Variants in SCFD2 observed in about 807,000 individuals in gnomAD.
SCFD2 encodes the protein sec1 family domain containing 2.
In SCFD2, 54 loss-of-function variants were observed where a neutral mutation model predicts 58.9. That is an observed-to-expected ratio of 0.92 (90% confidence interval 0.74 to 1.15). The LOEUF (loss-of-function observed/expected upper bound fraction) is 1.15, where lower values mean the gene tolerates loss of function less well. Among genes scored for constraint, SCFD2 ranks in the 50% most tolerant of loss-of-function variants. The pLI is 0.00. For synonymous variants in SCFD2, 321 were observed against 335.9 expected, an observed-to-expected ratio of 0.96 and a Z score of 0.49; for missense variants, 805 against 836.6, an observed-to-expected ratio of 0.96 and a Z score of 0.47.
chr4:53,300,618 C>T (rs1336006376), intron 3 of SCFD2, among the ~76,000 whole-genome samples: 1 of 152,176 alleles, frequency 6.6e-6, no homozygotes, highest in Non-Finnish European at 1.5e-5. Flanking sequence ...ATCTACAGAA[C>T]TCTCCACTCC....
intron 5 of SCFD2, among the ~76,000 whole-genome samples, chr4:53,048,715 T>C (rs4103860): frequency 0.25 from 37,408 of 152,136 alleles, 4,880 homozygotes; most frequent in Non-Finnish European, 0.29. Flanking sequence ...TTTATTTCGA[T>C]GGCCCTCCAG....
At chr4:53,217,954 A>C (rs1728908618) in intron 4 of SCFD2, among the ~76,000 whole-genome samples, 1 of 152,176 alleles carries the variant, frequency 6.6e-6, no homozygotes, top group Admixed American at 6.5e-5. Context: ...TTTCTTTAAC[A>C]ATGTTGAATA....
intron 2 of SCFD2, among the ~76,000 whole-genome samples, chr4:53,345,072 T>C (rs1400204859): frequency 6.6e-6 from 1 of 152,086 alleles, no homozygotes; most frequent in Non-Finnish European, 1.5e-5. Context: ...CCAAAAGCAA[T>C]GGCAACAAAA....
chr4:53,103,768 T>A (rs202026019), intron 5 of SCFD2, among the ~76,000 whole-genome samples: 439 of 33,950 alleles, frequency 0.013, 1 homozygote, highest in African/African-American at 0.026. Context: ...AGTAAGGAAG[T>A]AAAAAAAAAA....
chr4:52,921,237 A>T (rs533458124), intron 5 of SCFD2, among the ~76,000 whole-genome samples: 3 of 152,300 alleles, frequency 2.0e-5, no homozygotes, highest in African/African-American at 2.4e-5. Context: ...AAAATACGAG[A>T]GACTGTTATG....
intron 5 of SCFD2, among the ~76,000 whole-genome samples, chr4:53,049,619 A>G (rs1323520437): frequency 6.6e-6 from 1 of 152,018 alleles, no homozygotes; most frequent in African/African-American, 2.4e-5. Flanking sequence ...TTTGTTCCCA[A>G]ATGACAGAAT....
chr4:52,981,664 T>G (rs1721377178), intron 5 of SCFD2, among the ~76,000 whole-genome samples: 1 of 152,084 alleles, frequency 6.6e-6, no homozygotes, highest in Non-Finnish European at 1.5e-5. Context: ...TCACACAGCT[T>G]TCAGGCAGGG....
intron 5 of SCFD2, among the ~76,000 whole-genome samples, chr4:53,054,850 C>T (rs1390302914): frequency 6.6e-6 from 1 of 152,016 alleles, no homozygotes; most frequent in African/African-American, 2.4e-5. Context: ...GACAAGATCT[C>T]CCTATGTTGC....
chr4:53,130,149 A>C (rs915581677), intron 5 of SCFD2, among the ~76,000 whole-genome samples: 1 of 152,244 alleles, frequency 6.6e-6, no homozygotes, highest in Non-Finnish European at 1.5e-5. Context: ...AAAATAAAAA[A>C]GTATGACTTC....
chr4:53,360,042 A>T (rs1376571696), intron 1 of SCFD2, among the ~76,000 whole-genome samples: 1 of 152,212 alleles, frequency 6.6e-6, no homozygotes, highest in Non-Finnish European at 1.5e-5. Context: ...CCTCCACTGG[A>T]CAACAGTATT....
rs149495543 is a variant in SCFD2, at chr4:52,881,295, C to T, written c.1962+4452G>A. Among the ~76,000 whole-genome samples the T allele has an allele frequency of 4.4e-3, 676 of 152,282 alleles. 1 individual carries two copies. The highest frequency in any genetic ancestry group is 7.2e-3 in the Non-Finnish European group (493 of 68,016). On this transcript the variant is annotated intron_variant, in intron 8 of 8. Transcript: ENST00000401642. ...TCATTTCCTTTGAACAGCTGATCCC[C>T]GAATGCTTTTTAAATCTCAGCTCCA... is the stretch of plus-strand genomic sequence containing the variant.
At chr4:53,299,863 C>T (rs951435710) in intron 3 of SCFD2, among the ~76,000 whole-genome samples, 7 of 151,996 alleles carry the variant, frequency 4.6e-5, no homozygotes, top group East Asian at 1.9e-4. Flanking sequence ...CATAAGTGAA[C>T]GAGAAATAAA....
At chr4:52,992,582 G>A (rs1721639603) in intron 5 of SCFD2, among the ~76,000 whole-genome samples, 3 of 152,058 alleles carry the variant, frequency 2.0e-5, no homozygotes, top group African/African-American at 4.8e-5. Flanking sequence ...AGGAAGTGAG[G>A]AGCGTCTCTG....
At chr4:53,064,795 T>C (rs777603806) in intron 5 of SCFD2, among the ~76,000 whole-genome samples, 5 of 152,152 alleles carry the variant, frequency 3.3e-5, no homozygotes, top group Non-Finnish European at 7.4e-5. Context: ...CTTAACTTAC[T>C]TGAGCTTCAG....
At chr4:53,117,349 A>T (rs981503008) in intron 5 of SCFD2, among the ~76,000 whole-genome samples, 1 of 152,162 alleles carries the variant, frequency 6.6e-6, no homozygotes, top group Non-Finnish European at 1.5e-5. Flanking sequence ...TCTTGTTCCC[A>T]TATACAGCAG....
intron 5 of SCFD2, among the ~76,000 whole-genome samples, chr4:52,977,650 G>C (rs939628966): frequency 1.3e-5 from 2 of 152,174 alleles, no homozygotes; most frequent in Non-Finnish European, 2.9e-5. Context: ...CAGTATTCAG[G>C]AACAAAGACT....
chr4:53,113,914 G>A (rs1367437758), intron 5 of SCFD2, among the ~76,000 whole-genome samples: 2 of 151,844 alleles, frequency 1.3e-5, no homozygotes, highest in African/African-American at 2.4e-5. Flanking sequence ...TCACTGTTGT[G>A]AGAAGGCATT....
intron 4 of SCFD2, among the ~76,000 whole-genome samples, chr4:53,198,494 T>C (rs1427409181): frequency 1.3e-5 from 2 of 152,118 alleles, no homozygotes; most frequent in African/African-American, 4.8e-5. Context: ...TGAAATATCA[T>C]ATGAAGCCAG....
chr4:53,263,237 G>A lies in SCFD2; in HGVS notation c.1311+10589C>T, dbSNP rs188115159. ...TTGATTAGCTTAATAATCGACCTTC[G>A]AATTCTTTTTCTGGAAATTTAGAGA... On this transcript the variant is annotated intron_variant, in intron 4 of 8. Coordinates refer to ENST00000401642, the MANE Select transcript of SCFD2 (RefSeq NM_152540.4). Among the ~76,000 whole-genome samples, 393 of 151,996 alleles carry A rather than the reference G, an allele frequency of 2.6e-3. 1 individual carries two copies. The highest frequency in any genetic ancestry group is 8.5e-3 in the African/African-American group (353 of 41,448).
Sources: gnomAD v4.1 joint callset for allele counts (sites outside exome capture counted in the v4.1 genomes callset) on GRCh38, gnomAD v4.1.1 for gene constraint, MANE v1.5 for transcripts, NCBI Gene and HGNC (gene_info 2026-07-23, HGNC 2026-07-21) for gene names.